The following ITGA4 variants were observed in gnomAD, a reference collection of about 807,000 sequenced individuals.
The protein encoded by ITGA4 is integrin subunit alpha 4, also known as integrin alpha-4.
Under a neutral mutation model 133.6 loss-of-function variants are expected in ITGA4, and 63 were observed. That is an observed-to-expected ratio of 0.47 (90% CI 0.38 to 0.58). The LOEUF (loss-of-function observed/expected upper bound fraction) is 0.58. Ranked by LOEUF, ITGA4 falls within the 20% of genes least tolerant of loss-of-function variation. The pLI is 0.00. For synonymous variants in ITGA4, 483 were observed against 438.0 expected (o/e 1.10, Z -1.28); for missense variants, 1,076 against 1,252.7 (o/e 0.86, Z 2.13).
chr2:181,458,015 C>T (rs1450080781), intron 1 of ITGA4, among the ~76,000 whole-genome samples, 164 bp downstream of exon 1: 3 of 152,210 alleles, frequency 2.0e-5, no homozygotes, highest in Non-Finnish European at 2.9e-5. Flanking sequence ...ACTAACTTAT[C>T]TTGGGGCGGC....
Position 181,534,221 on chromosome 2 carries a change from A to T in ITGA4, c.2785-51A>T, listed in dbSNP as rs752337638. The stretch of plus-strand genomic sequence containing the variant: ...TAGAAGGTAAAGATCCTGATAAATT[A>T]TGTCTTTATGAAATAAACCAGGCTA... On this transcript the variant is annotated intron_variant, in intron 25 of 27. Coordinates refer to ENST00000397033, the MANE Select transcript of ITGA4 (RefSeq NM_000885.6). The T allele has an allele frequency of 2.8e-6, 3 of 1,087,238 alleles. No homozygotes were observed. In the South Asian group the frequency reaches 3.9e-5, roughly 14 times the overall value. 67.3% of individuals were successfully genotyped at this position (1,087,238 alleles called of 1,614,324 possible).
intron 15 of ITGA4, among the ~76,000 whole-genome samples, chr2:181,500,694 G>T (rs1205201099): frequency 1.3e-5 from 2 of 152,076 alleles, no homozygotes; most frequent in Non-Finnish European, 2.9e-5. Context: ...AGGACTCCCT[G>T]CCTGTCTGTT....
intron 23 of ITGA4, among the ~76,000 whole-genome samples, chr2:181,530,043 C>T (rs1559057929): frequency 6.6e-6 from 1 of 152,096 alleles, no homozygotes; most frequent in Non-Finnish European, 1.5e-5. Context: ...ACTATTCAAA[C>T]CACTTCTTAA....
intron 14 of ITGA4, chr2:181,498,383 A>G (rs1686200472): frequency 4.1e-6 from 1 of 246,634 alleles, no homozygotes; most frequent in Admixed American, 5.4e-5. Flanking sequence ...AAAGATTTTA[A>G]TGTTGTTAAT....
intron 15 of ITGA4, among the ~76,000 whole-genome samples, chr2:181,499,735 T>C (rs1188139947): frequency 6.6e-6 from 1 of 152,226 alleles, no homozygotes; most frequent in Non-Finnish European, 1.5e-5. Flanking sequence ...AGAATATTAA[T>C]GTAACCATCA....
chr2:181,497,949 C>T (rs933968912), intron 14 of ITGA4, among the ~76,000 whole-genome samples: 1 of 151,586 alleles, frequency 6.6e-6, no homozygotes, highest in East Asian at 1.9e-4. Context: ...TGAAATAAAC[C>T]CTGCCAAACT....
Position 181,458,307 on chromosome 2 carries a change from G to A in ITGA4, c.309G>A (p.Gln103=), listed in dbSNP as rs201915945. Residue 103 remains glutamine (Q), a synonymous_variant, in exon 2 of 28, where the codon CAG becomes CAA. Coordinates refer to ENST00000397033, the MANE Select transcript of ITGA4 (RefSeq NM_000885.6). ...IGKNPGQTCE[Q]LQLGSPNGEP... Reference sequence around the variant, plus strand: ...AGAATCCCGGCCAGACGTGCGAACAGCTCCAGCTGGGTGAGTTGGGTATGG... The same window carrying A: ...AGAATCCCGGCCAGACGTGCGAACAACTCCAGCTGGGTGAGTTGGGTATGG... The A allele has an allele frequency of 6.2e-7, 1 of 1,611,334 alleles. No homozygotes were observed. The highest frequency in any genetic ancestry group is 1.3e-5 in the African/African-American group (1 of 74,898).
chr2:181,530,502 C>T, intron 23 of ITGA4, 22 bp from the exon 24 acceptor site: 1 of 1,597,674 alleles, frequency 6.3e-7, no homozygotes, highest in Non-Finnish European at 8.6e-7. Flanking sequence ...GATAAGATTT[C>T]TCTTGCTTTC....
intron 17 of ITGA4, among the ~76,000 whole-genome samples, chr2:181,512,443 T>C (rs1013661460): frequency 1.3e-5 from 2 of 152,080 alleles, no homozygotes; most frequent in Non-Finnish European, 2.9e-5. Context: ...TTCCTCCATA[T>C]ATTAGTGACT....
intron 22 of ITGA4, among the ~76,000 whole-genome samples, chr2:181,527,878 C>T (rs1291035966): frequency 1.3e-5 from 2 of 152,132 alleles, no homozygotes; most frequent in African/African-American, 4.8e-5. Context: ...AGTGCTTTAT[C>T]AATTATTAAA....
intron 15 of ITGA4, among the ~76,000 whole-genome samples, chr2:181,507,964 G>T (rs1189909902): frequency 3.3e-5 from 5 of 151,796 alleles, no homozygotes; most frequent in African/African-American, 1.2e-4. Flanking sequence ...TGCTTTCAAA[G>T]ATTTTTTTTT....
chr2:181,502,743 T>C (rs181434063), intron 15 of ITGA4, among the ~76,000 whole-genome samples: 3 of 152,104 alleles, frequency 2.0e-5, no homozygotes. Flanking sequence ...AAATACAGGA[T>C]GGTTGTCAGA....
intron 5 of ITGA4, 39 bp downstream of exon 5, chr2:181,478,863 A>G (rs200996529): frequency 7.6e-5 from 78 of 1,030,292 alleles, no homozygotes; most frequent in Middle Eastern, 2.2e-4. Context: ...ATGTTTACAT[A>G]TAGAATCTTA....
chr2:181,482,970 C>A (rs576741308), intron 9 of ITGA4, among the ~76,000 whole-genome samples: 58 of 152,056 alleles, frequency 3.8e-4, no homozygotes, highest in Non-Finnish European at 7.2e-4. Flanking sequence ...GAATAATTTT[C>A]ATACCTCCTT....
At chr2:181,520,437 T>A (rs1297040365) in intron 17 of ITGA4, among the ~76,000 whole-genome samples, 1 of 151,852 alleles carries the variant, frequency 6.6e-6, no homozygotes, top group Non-Finnish European at 1.5e-5. Context: ...GGAACTCTTA[T>A]CTTGAAGGCA....
At position 181,537,193 on chromosome 2, in the gene ITGA4, A is replaced by G. The variant is rs1255194560; in HGVS notation, c.*1666A>G. The G allele has an allele frequency of 2.2e-6, 1 of 453,298 alleles. No individual in the cohort carries two copies. Among genetic ancestry groups the G allele is most frequent in the Non-Finnish European group, 4.4e-6 (1 of 226,148 alleles). 28.1% of individuals were successfully genotyped at this position (453,298 alleles called of 1,614,324 possible). On this transcript the variant is annotated 3_prime_UTR_variant, in exon 28 of 28. Coordinates refer to ENST00000397033, the MANE Select transcript of ITGA4 (RefSeq NM_000885.6). Reference sequence around the variant, plus strand: ...GAGAACATCTAGGATCATAGATGAAAAATCAAGCCCCGATTTAGAACTGTC... The same window carrying G: ...GAGAACATCTAGGATCATAGATGAAGAATCAAGCCCCGATTTAGAACTGTC...
At chr2:181,498,913 T>C (rs1686213225) in intron 15 of ITGA4, 136 bp downstream of exon 15, 1 of 1,333,442 alleles carries the variant, frequency 7.5e-7, no homozygotes, top group Non-Finnish European at 9.6e-7. Context: ...GACCTGTTGC[T>C]CCAGTTAAGG....
At chr2:181,527,992 A>G (rs543245053) in intron 22 of ITGA4, among the ~76,000 whole-genome samples, 109 of 152,324 alleles carry the variant, frequency 7.2e-4, no homozygotes, top group African/African-American at 2.5e-3. Flanking sequence ...TGATATTTTT[A>G]TTGTATCAAA....
chr2:181,457,562 C>T lies in ITGA4; in HGVS notation c.-93C>T, dbSNP rs190244857. On this transcript the variant is annotated 5_prime_UTR_variant, in exon 1 of 28. Coordinates refer to ENST00000397033, the MANE Select transcript of ITGA4 (RefSeq NM_000885.6). ...GCGCCGGACACGCTGCGCCTCATCT[C>T]TTGGGGCGTTCTTCCCCGTTGGCCA... The T allele has an allele frequency of 3.5e-3, 4,090 of 1,179,818 alleles. 22 individuals are homozygous for T. Among genetic ancestry groups the T allele is most frequent in the South Asian group, 0.012 (809 of 70,188 alleles). 73.1% of individuals were successfully genotyped at this position (1,179,818 alleles called of 1,614,324 possible). A position where few individuals can be genotyped will look rare whatever the true frequency, so the allele number is the denominator to read the frequency against.
Sources: allele counts gnomAD v4.1 joint callset (sites outside exome capture counted in the v4.1 genomes callset), GRCh38; gene constraint gnomAD v4.1.1; transcripts MANE v1.5; gene names NCBI Gene and HGNC (gene_info 2026-07-23, HGNC 2026-07-21).